The following KIAA0319 variants were observed in gnomAD, a reference collection of about 807,000 sequenced individuals.
KIAA0319 encodes the protein KIAA0319.
In KIAA0319, 83 loss-of-function variants were observed where a neutral mutation model predicts 108.4. The ratio of observed to expected loss-of-function variants is 0.77; its 90% confidence interval spans 0.64 to 0.92. KIAA0319 has a LOEUF of 0.92. Among genes scored for constraint, KIAA0319 ranks in the 40% least tolerant of loss-of-function variants. KIAA0319 has a pLI of 0.00. For missense variants in KIAA0319, 1,195 were observed against 1,322.4 expected (o/e 0.90, Z 1.49); for synonymous variants, 484 against 510.4 (o/e 0.95, Z 0.70).
intron 1 of KIAA0319, among the ~76,000 whole-genome samples, chr6:24,623,892 G>A (rs1774311724): frequency 6.6e-6 from 1 of 151,502 alleles, no homozygotes; most frequent in South Asian, 2.1e-4. Flanking sequence ...AACATCACAT[G>A]TACCCCATAA....
chr6:24,579,521 T>A (rs1259890528), intron 8 of KIAA0319, among the ~76,000 whole-genome samples: 2 of 146,024 alleles, frequency 1.4e-5, no homozygotes, highest in Non-Finnish European at 3.0e-5. Context: ...ATCTTATATA[T>A]CTTATATATA....
At chr6:24,550,564 C>T (rs1761326874) in intron 20 of KIAA0319, among the ~76,000 whole-genome samples, 1 of 152,196 alleles carries the variant, frequency 6.6e-6, no homozygotes, top group Non-Finnish European at 1.5e-5. Context: ...GATCAATACA[C>T]TTTGTGAAGA....
At chr6:24,629,238 C>T (rs1011688881) in intron 1 of KIAA0319, among the ~76,000 whole-genome samples, 5 of 151,960 alleles carry the variant, frequency 3.3e-5, no homozygotes, top group Admixed American at 6.6e-5. Flanking sequence ...AATGACAGTC[C>T]AGCGTGGTGG....
At chr6:24,597,917 CAAAAAAAAAAAAA>C (rs540860751) in intron 2 of KIAA0319, 1,290 of 32,482 alleles carry the variant, frequency 0.04, 52 homozygotes, top group African/African-American at 0.11. Flanking sequence ...GACCCTATCT[CAAAAAAAAAAAAA>C]AAAAAAAAAA....
chr6:24,590,342 G>A (rs1457461400), intron 3 of KIAA0319, among the ~76,000 whole-genome samples: 1 of 150,564 alleles, frequency 6.6e-6, no homozygotes, highest in East Asian at 1.9e-4. Context: ...AAGCTGTATT[G>A]ATCAAACTAA....
At chr6:24,554,513 A>G (rs1469558934) in intron 19 of KIAA0319, 28 bp downstream of exon 19, 1 of 1,533,974 alleles carries the variant, frequency 6.5e-7, no homozygotes, top group Non-Finnish European at 9.0e-7. Flanking sequence ...TAGGGTCTCT[A>G]TTTCCCAGGA....
chr6:24,593,969 G>C (rs1365866256), intron 3 of KIAA0319, among the ~76,000 whole-genome samples: 1 of 151,030 alleles, frequency 6.6e-6, no homozygotes, highest in South Asian at 2.1e-4. Context: ...GGGAGGCCGA[G>C]GCAGGTGGAT....
In KIAA0319 at chr6:24,544,679, G is replaced by A. The variant is rs1336599560; in HGVS notation, c.*2486C>T. 2.6e-5 allele frequency: 4 copies of A among 152,172 alleles called. No homozygotes were observed. Among genetic ancestry groups the A allele is most frequent in the Non-Finnish European group, 5.9e-5 (4 of 68,054 alleles). The allele number at this position is 152,172 out of a possible 1,614,324, so 9.4% of individuals were successfully genotyped here. ...AACTAAAGTGCTTGTTAGCCTGTGA[G>A]CCCTACAAACACCCACTCCCATATT... On this transcript the variant is annotated 3_prime_UTR_variant, in exon 21 of 21. Coordinates refer to ENST00000378214, the MANE Select transcript of KIAA0319 (RefSeq NM_014809.4).
chr6:24,620,489 C>T (rs374849332), intron 1 of KIAA0319, among the ~76,000 whole-genome samples: 2 of 152,058 alleles, frequency 1.3e-5, no homozygotes, highest in African/African-American at 2.4e-5. Context: ...TTAGTAGAGA[C>T]GGGGTTTCAC....
chr6:24,622,441 C>A (rs974548743), intron 1 of KIAA0319, among the ~76,000 whole-genome samples: 29 of 151,718 alleles, frequency 1.9e-4, no homozygotes, highest in Admixed American at 5.9e-4. Flanking sequence ...TAATTAGTAT[C>A]TTTGGAAAAA....
chr6:24,618,055 C>T (rs2127564941), intron 1 of KIAA0319, among the ~76,000 whole-genome samples: 1 of 151,898 alleles, frequency 6.6e-6, no homozygotes, highest in South Asian at 2.1e-4. Flanking sequence ...GAAGGGTAGA[C>T]CAGAAAAAAA....
At chr6:24,584,310 C>T (rs1767100383) in intron 4 of KIAA0319, among the ~76,000 whole-genome samples, 1 of 151,888 alleles carries the variant, frequency 6.6e-6, no homozygotes, top group South Asian at 2.1e-4. Context: ...TTTACTTTCT[C>T]TGTAACCAGA....
intron 18 of KIAA0319, 108 bp from the exon 19 acceptor site, chr6:24,554,739 C>T: frequency 1.3e-6 from 1 of 768,102 alleles, no homozygotes; most frequent in African/African-American, 1.7e-5. Context: ...GGAAAGGCCA[C>T]CTGTGGAGTT....
Position 24,564,340 on chromosome 6 carries a change from C to T in KIAA0319, c.2293G>A (p.Asp765Asn). The change falls in exon 15 of 21, where the codon GAT becomes AAT. Residue 765 changes from aspartate (D) to asparagine (N), a missense_variant and splice_region_variant. Asp to Asn is a conservative substitution (Grantham distance 23). Coordinates refer to ENST00000378214, the MANE Select transcript of KIAA0319 (RefSeq NM_014809.4). ...CTGTGGTCAGAGCCATCGATGACAT[C>T]CTGCGAAAGAACACGGATCACAGGG... ...IRDGQSPAAG[D>N]VIDGSDHSVA... is the part of the protein sequence containing the mutation. 6.2e-7 allele frequency: 1 copy of T among 1,614,132 alleles called. No individual in the cohort carries two copies. The highest frequency in any genetic ancestry group is 1.3e-5 in the African/African-American group (1 of 75,064).
intron 1 of KIAA0319, among the ~76,000 whole-genome samples, chr6:24,629,544 A>G (rs9393570): frequency 0.67 from 85,394 of 126,722 alleles, 30,146 homozygotes; most frequent in East Asian, 0.86. Context: ...AAGAAAACTC[A>G]GAATACATGA....
chr6:24,582,147 A>C, intron 6 of KIAA0319, 102 bp downstream of exon 6: 1 of 724,176 alleles, frequency 1.4e-6, no homozygotes, highest in Non-Finnish European at 2.5e-6. Flanking sequence ...CTCTGTCCCC[A>C]AAAAGAAGAA....
chr6:24,599,538 G>A lies in KIAA0319; in HGVS notation c.55+1511C>T, dbSNP rs9986331. ...GATTGTCACCTACAGGAAGGTGCTG[G>A]AGGGCGAGGAGAGCTGGCTGGAGTC... On this transcript the variant is annotated intron_variant, in intron 2 of 20. Transcript: ENST00000378214. The surrounding 1 kb of genome is among the most constrained non-coding windows in gnomAD (Gnocchi z 4.1). The A allele has an allele frequency of 4.3e-3, 2,445 of 572,206 alleles. 28 individuals carry two copies. Among genetic ancestry groups the A allele is most frequent in the African/African-American group, 0.035 (1,862 of 53,642 alleles). The allele number at this position is 572,206 out of a possible 1,614,324, so 35.4% of individuals were successfully genotyped here. A position where few individuals can be genotyped will look rare whatever the true frequency, so the allele number is the denominator to read the frequency against.
intron 1 of KIAA0319, among the ~76,000 whole-genome samples, chr6:24,637,637 T>C (rs891763536): frequency 6.6e-6 from 1 of 152,230 alleles, no homozygotes; most frequent in Non-Finnish European, 1.5e-5. Flanking sequence ...ATATTCGTAA[T>C]GTTTTTTATT....
chr6:24,628,707 T>C (rs563854190), intron 1 of KIAA0319, among the ~76,000 whole-genome samples: 1 of 152,090 alleles, frequency 6.6e-6, no homozygotes, highest in African/African-American at 2.4e-5. Flanking sequence ...CCTCTGAGAG[T>C]CTGATCAGAA....
Sources: gnomAD v4.1 joint callset for allele counts (sites outside exome capture counted in the v4.1 genomes callset) on GRCh38, gnomAD v4.1.1 for gene constraint, Gnocchi (gnomAD v3.1) non-coding constraint, MANE v1.5 for transcripts, NCBI Gene and HGNC (gene_info 2026-07-23, HGNC 2026-07-21) for gene names.